The following GRM5 variants were observed in gnomAD, a reference collection of about 807,000 sequenced individuals.
The protein encoded by GRM5 is glutamate metabotropic receptor 5.
A neutral mutation model predicts 83.1 loss-of-function variants in GRM5; 19 were observed. The ratio of observed to expected loss-of-function variants is 0.23; its 90% CI spans 0.16 to 0.34. The LOEUF is 0.34. GRM5 is among the 10% of genes least tolerant of loss of function. GRM5 has a pLI of 1.00. For missense variants in GRM5, 1,160 were observed against 1,588.3 expected, an observed-to-expected ratio of 0.73 and a Z score of 4.58; for synonymous variants, 675 against 633.6, an observed-to-expected ratio of 1.07 and a Z score of -0.98.
chr11:88,842,770 G>A (rs142028211), intron 3 of GRM5, among the ~76,000 whole-genome samples: 3,873 of 151,760 alleles, frequency 0.026, 175 homozygotes, highest in African/African-American at 0.089. Context: ...TAACAAACAC[G>A]TCCTTGATTT....
intron 3 of GRM5, among the ~76,000 whole-genome samples, chr11:88,755,307 G>GA (rs1402979086): frequency 1.3e-5 from 2 of 151,922 alleles, no homozygotes; most frequent in African/African-American, 4.8e-5. Context: ...TCTGAAATGG[G>GA]AAAAAACATA....
chr11:89,044,823 A>C (rs1475129727), intron 2 of GRM5, among the ~76,000 whole-genome samples: 1 of 151,682 alleles, frequency 6.6e-6, no homozygotes, highest in Non-Finnish European at 1.5e-5. Flanking sequence ...GATCCCACCA[A>C]GACTTTCTGA....
At chr11:88,842,752 C>T (rs1002914891) in intron 3 of GRM5, among the ~76,000 whole-genome samples, 6 of 152,044 alleles carry the variant, frequency 3.9e-5, no homozygotes, top group Non-Finnish European at 8.8e-5. Flanking sequence ...GAATTCCTCT[C>T]TTAATTTTAA....
chr11:88,967,794 A>G (rs1277227056), intron 2 of GRM5, among the ~76,000 whole-genome samples: 3 of 152,106 alleles, frequency 2.0e-5, no homozygotes, highest in Non-Finnish European at 4.4e-5. Context: ...AGTATGGGCC[A>G]TTTGTCTGAG....
Position 88,661,405 on chromosome 11 carries a change from A to T in GRM5, c.912-8002T>A, listed in dbSNP as rs548021579. Among the ~76,000 whole-genome samples, 62 of 152,244 alleles carry T rather than the reference A, an allele frequency of 4.1e-4. 1 individual carries two copies. The highest frequency in any genetic ancestry group is 3.4e-3 in the Middle Eastern group (1 of 294). ...CCCCGTGCAGAATGGTCCTCTTGTT[A>T]TCTACCTGATGTTATTAAGGTTAAT... On this transcript the variant is annotated intron_variant, in intron 3 of 9. Coordinates refer to ENST00000305447, the MANE Select transcript of GRM5 (RefSeq NM_001143831.3).
intron 2 of GRM5, among the ~76,000 whole-genome samples, chr11:89,017,512 C>G (rs142724287): frequency 6.6e-4 from 101 of 152,274 alleles, no homozygotes; most frequent in Middle Eastern, 3.4e-3. Context: ...CCAATAAATA[C>G]CTACTCTGCT....
chr11:88,732,132 T>A (rs1248562979), intron 3 of GRM5, among the ~76,000 whole-genome samples: 1 of 152,068 alleles, frequency 6.6e-6, no homozygotes, highest in Admixed American at 6.6e-5. Context: ...ACACTGTACA[T>A]GTCTCTATCA....
intron 3 of GRM5, among the ~76,000 whole-genome samples, chr11:88,836,379 A>G (rs544268854): frequency 3.0e-4 from 46 of 152,378 alleles, no homozygotes; most frequent in African/African-American, 9.4e-4. Flanking sequence ...AGTATGATTT[A>G]TCACAATGCC....
At chr11:88,980,834 A>G (rs1939497284) in intron 2 of GRM5, among the ~76,000 whole-genome samples, 1 of 152,172 alleles carries the variant, frequency 6.6e-6, no homozygotes, top group Non-Finnish European at 1.5e-5. Context: ...AAAAAAATAA[A>G]TAAATAAAAA....
chr11:88,798,530 G>A (rs937381223), intron 3 of GRM5, among the ~76,000 whole-genome samples: 1 of 151,998 alleles, frequency 6.6e-6, no homozygotes, highest in African/African-American at 2.4e-5. Flanking sequence ...GTGGGGCAGC[G>A]ATCAAGGCAG....
At chr11:88,862,343 A>AT (rs1188575066) in intron 2 of GRM5, among the ~76,000 whole-genome samples, 4 of 151,696 alleles carry the variant, frequency 2.6e-5, no homozygotes, top group Admixed American at 6.6e-5. Context: ...TTATATATAT[A>AT]TTTTTTCTTT....
intron 3 of GRM5, among the ~76,000 whole-genome samples, chr11:88,687,030 C>T (rs975058037): frequency 6.6e-6 from 1 of 152,068 alleles, no homozygotes; most frequent in Non-Finnish European, 1.5e-5. Flanking sequence ...CCTGACTACT[C>T]CCAGCATTTC....
intron 2 of GRM5, among the ~76,000 whole-genome samples, chr11:88,951,093 GTA>G (rs1378921782): frequency 7.2e-6 from 1 of 138,088 alleles, no homozygotes; most frequent in Non-Finnish European, 1.6e-5. Flanking sequence ...GTGTGTGTGT[GTA>G]TCTGTGTGTG....
intron 3 of GRM5, among the ~76,000 whole-genome samples, chr11:88,683,429 C>T (rs1261413420): frequency 6.6e-6 from 1 of 152,150 alleles, no homozygotes; most frequent in Non-Finnish European, 1.5e-5. Flanking sequence ...TTTTATATTG[C>T]ACCTGTTGAT....
At chr11:88,844,962 G>A (rs1237788410) in intron 3 of GRM5, among the ~76,000 whole-genome samples, 1 of 152,168 alleles carries the variant, frequency 6.6e-6, no homozygotes, top group Non-Finnish European at 1.5e-5. Flanking sequence ...AATATACTCT[G>A]GTGAAGTTGC....
At chr11:89,037,488 TATC>T (rs1373276600) in intron 2 of GRM5, among the ~76,000 whole-genome samples, 16 of 152,124 alleles carry the variant, frequency 1.1e-4, no homozygotes. Flanking sequence ...GTTGCAAATA[TATC>T]CTTGGAATCT....
intron 2 of GRM5, among the ~76,000 whole-genome samples, chr11:89,033,764 A>T (rs560244942): frequency 2.6e-5 from 4 of 152,010 alleles, no homozygotes; most frequent in African/African-American, 9.6e-5. Context: ...GTCTCCTTTA[A>T]AAAAAGGTAC....
rs575162766 is a variant in GRM5 at position 88,943,897 on chromosome 11, C to A, written c.662-93742G>T. ...CATGTTCAACCAACCGAGCACAGAC[C>A]CTTAATAGTTTTGGCCCTCAGTTTT... On this transcript the variant is annotated intron_variant, in intron 2 of 9. Transcript: ENST00000305447. Among the ~76,000 whole-genome samples, 4 of 152,008 alleles carry A rather than the reference C, an allele frequency of 2.6e-5. No individual in the cohort carries two copies. The East Asian group carries it at 7.7e-4, about 29-fold the overall frequency.
chr11:88,838,874 C>CACACAG (rs1322063461), intron 3 of GRM5, among the ~76,000 whole-genome samples: 2 of 145,974 alleles, frequency 1.4e-5, no homozygotes, highest in Non-Finnish European at 3.0e-5. Flanking sequence ...ATGCTACACA[C>CACACAG]ACACACACAC....
Sources: allele counts gnomAD v4.1 joint callset (sites outside exome capture counted in the v4.1 genomes callset), GRCh38; gene constraint gnomAD v4.1.1; transcripts MANE v1.5; gene names NCBI Gene and HGNC (gene_info 2026-07-23, HGNC 2026-07-21).